The following ZNF724 variants were observed in gnomAD, a reference collection of about 807,000 sequenced individuals.
ZNF724 encodes zinc finger protein 724 pseudogene.
ZNF724 carries 14 observed loss-of-function variants against 29.3 expected under a neutral mutation model. The ratio of observed to expected loss-of-function variants is 0.48; its 90% confidence interval spans 0.32 to 0.75. The LOEUF (loss-of-function observed/expected upper bound fraction) is 0.75, where lower values mean the gene tolerates loss of function less well. Ranked by LOEUF, ZNF724 falls within the 30% of genes least tolerant of loss-of-function variation. The pLI, the probability that ZNF724 is intolerant of heterozygous loss-of-function variation, is 0.04. For synonymous variants in ZNF724, 180 were observed against 193.6 expected (o/e 0.93, Z 0.58); for missense variants, 557 against 571.2 (o/e 0.98, Z 0.25).
chr19:23,229,307 G>A lies in ZNF724; in HGVS notation c.226+1959C>T, dbSNP rs118048026. On this transcript the variant is annotated intron_variant, in intron 3 of 3. Transcript: ENST00000418100. ...CAAACTCCTCCCAGTCACAGTCTGG[G>A]AGAGGTCCTGCCCTTCCAGAGGCCT... Among the ~76,000 whole-genome samples, 1,399 of 152,238 alleles carry A rather than the reference G, an allele frequency of 9.2e-3. 11 individuals carry two copies. Among genetic ancestry groups the A allele is most frequent in the Non-Finnish European group, 0.014 (940 of 68,004 alleles).
Position 23,223,976 on chromosome 19 carries a change from C to T in ZNF724, c.269G>A (p.Ser90Asn), listed in dbSNP as rs1213760697. The part of the protein sequence containing the change: ...YFAQDLRPEQ[S>N]IKASLQRIIL... ...TATTCTTTGCAAAGAAGCTTTTATGCTCTGCTCTGGCCGAAGGTCTTGGGC... is the reference window on the plus strand; with the variant it reads ...TATTCTTTGCAAAGAAGCTTTTATGTTCTGCTCTGGCCGAAGGTCTTGGGC... The change falls in exon 4 of 4, where the codon AGC (serine) becomes AAC (asparagine). Residue 90 changes from serine (S) to asparagine (N), a missense_variant. Coordinates refer to ENST00000418100, the MANE Select transcript of ZNF724 (RefSeq NM_001355404.2). 1.4e-6 allele frequency: 1 copy of T among 717,872 alleles called. No individual in the cohort carries two copies. The highest frequency in any genetic ancestry group is 2.5e-6 in the Non-Finnish European group (1 of 393,160). The allele number at this position is 717,872 out of a possible 1,614,324, so 44.5% of individuals were successfully genotyped here. A position where few individuals can be genotyped will look rare whatever the true frequency, so the allele number is the denominator to read the frequency against.
intron 1 of ZNF724, among the ~76,000 whole-genome samples, chr19:23,232,682 GC>G (rs1337126805): frequency 5.8e-5 from 3 of 51,590 alleles, no homozygotes; most frequent in Admixed American, 2.4e-4. Flanking sequence ...ATCTTGTTAT[GC>G]TTTTTTTTTT....
intron 1 of ZNF724, among the ~76,000 whole-genome samples, chr19:23,242,413 T>C: frequency 6.6e-6 from 1 of 151,606 alleles, no homozygotes; most frequent in South Asian, 2.1e-4. Flanking sequence ...ACCCAATTTC[T>C]ACAAAAAAAA....
At chr19:23,235,788 AGT>A (rs1007894216) in intron 1 of ZNF724, among the ~76,000 whole-genome samples, 12 of 152,212 alleles carry the variant, frequency 7.9e-5, no homozygotes, top group Admixed American at 3.3e-4. Context: ...AATTCTAGAC[AGT>A]GTTTGGAAAA....
chr19:23,240,119 C>T (rs1263795720), intron 1 of ZNF724, among the ~76,000 whole-genome samples: 2 of 151,932 alleles, frequency 1.3e-5, no homozygotes, highest in Non-Finnish European at 2.9e-5. Context: ...TGAGACCAAC[C>T]AGCCTGGTCA....
At chr19:23,229,009 G>A (rs751751686) in intron 3 of ZNF724, among the ~76,000 whole-genome samples, 2 of 151,960 alleles carry the variant, frequency 1.3e-5, no homozygotes, top group Non-Finnish European at 1.5e-5. Flanking sequence ...GTTACAGTGA[G>A]TTGAGATGGT....
At position 23,250,385 on chromosome 19, in the gene ZNF724, A is replaced by G. The variant is rs567543804; in HGVS notation, c.-143T>C. The stretch of plus-strand genomic sequence containing the variant: ...GACCAAGCGCTCCAGCTGCAGCGAG[A>G]GACAAAGGCCCCGCCAAATCCCGGA... On this transcript the variant is annotated 5_prime_UTR_variant, in exon 1 of 4. Transcript: ENST00000418100. The G allele has an allele frequency of 1.6e-3, 740 of 454,256 alleles. 1 individual carries two copies. The highest frequency in any genetic ancestry group is 2.7e-3 in the Non-Finnish European group (600 of 225,944). 28.1% of individuals were successfully genotyped at this position (454,256 alleles called of 1,614,324 possible).
At chr19:23,233,875 A>G (rs955002670) in intron 1 of ZNF724, among the ~76,000 whole-genome samples, 1 of 151,974 alleles carries the variant, frequency 6.6e-6, no homozygotes. Context: ...TTCTGGACAA[A>G]TTACACCTGC....
intron 3 of ZNF724, among the ~76,000 whole-genome samples, chr19:23,228,383 G>C (rs1971875833): frequency 6.6e-6 from 1 of 151,984 alleles, no homozygotes; most frequent in African/African-American, 2.4e-5. Flanking sequence ...CCAGCCGGGA[G>C]GCAGAGGTTG....
In ZNF724 at chr19:23,234,261, T is replaced by C. The variant is rs527945001; in HGVS notation, c.4-1968A>G. Among the ~76,000 whole-genome samples the C allele has an allele frequency of 7.9e-5, 12 of 152,270 alleles. No homozygotes were observed. The South Asian group carries it at 2.3e-3, about 29-fold the overall frequency. ...AGGCACTTAATTAAAACAACATAAA[T>C]GTGTCCACACAAAACAATAAACAGA... On this transcript the variant is annotated intron_variant, in intron 1 of 3. Transcript: ENST00000418100.
chr19:23,237,356 G>A (rs1972037802), intron 1 of ZNF724, among the ~76,000 whole-genome samples: 2 of 151,666 alleles, frequency 1.3e-5, no homozygotes, highest in African/African-American at 2.4e-5. Context: ...ATATCTATTG[G>A]GTAAATTAAT....
intron 1 of ZNF724, among the ~76,000 whole-genome samples, chr19:23,239,408 C>A (rs1972080482): frequency 6.6e-6 from 1 of 152,108 alleles, no homozygotes; most frequent in South Asian, 2.1e-4. Flanking sequence ...TAATTCAATA[C>A]AAAGAAAACC....
intron 1 of ZNF724, among the ~76,000 whole-genome samples, chr19:23,232,816 T>TG (rs1256616036): frequency 2.7e-5 from 3 of 110,826 alleles, no homozygotes; most frequent in Non-Finnish European, 4.2e-5. Flanking sequence ...AATAACCTGT[T>TG]TTTCCCCCCA....
chr19:23,223,290 A>C lies in ZNF724; in HGVS notation c.955T>G (p.Phe319Val), dbSNP rs1327814369. 1 of 789,348 alleles carries C rather than the reference A, an allele frequency of 1.3e-6. No individual in the cohort carries two copies. Among genetic ancestry groups the C allele is most frequent in the Non-Finnish European group, 2.3e-6 (1 of 434,844 alleles). The allele number at this position is 789,348 out of a possible 1,614,324, so 48.9% of individuals were successfully genotyped here. The change falls in exon 4 of 4, where the codon TTT becomes GTT. Residue 319 changes from phenylalanine (F) to valine (V), a missense_variant. Physicochemically the swap from Phe to Val is conservative, Grantham distance 50. Coordinates refer to ENST00000418100, the MANE Select transcript of ZNF724 (RefSeq NM_001355404.2). The part of the protein sequence containing the change: ...PYICEHCGRA[F>V]NQSSNLTKHK... ...TTAGTAAGGTTCGAGGATTGGTTAA[A>C]AGCTCTGCCACAATGTTCACATATG... is the stretch of plus-strand genomic sequence containing the variant.
intron 1 of ZNF724, among the ~76,000 whole-genome samples, chr19:23,247,390 T>C (rs1242909063): frequency 6.6e-6 from 1 of 152,192 alleles, no homozygotes; most frequent in Non-Finnish European, 1.5e-5. Flanking sequence ...ACTAATAAAA[T>C]ACAATTTACA....
chr19:23,244,586 G>C (rs191687955), intron 1 of ZNF724, among the ~76,000 whole-genome samples: 1 of 152,272 alleles, frequency 6.6e-6, no homozygotes, highest in Non-Finnish European at 1.5e-5. Flanking sequence ...TTTTATTCCA[G>C]GCTAGACCTT....
chr19:23,223,028 G>A lies in ZNF724; in HGVS notation c.1217C>T (p.Ser406Phe). 1 of 1,324,286 alleles carries A rather than the reference G, an allele frequency of 7.6e-7. No homozygotes were observed. Among genetic ancestry groups the A allele is most frequent in the East Asian group, 2.3e-5 (1 of 43,496 alleles). The allele number at this position is 1,324,286 out of a possible 1,614,324, so 82.0% of individuals were successfully genotyped here. A position where few individuals can be genotyped will look rare whatever the true frequency, so the allele number is the denominator to read the frequency against. ...CEECGKAFNT[S>F]SHLTTHKRIH... ...TCTTTTATGTGTGGTGAGGTGTGAG[G>A]ATGTGTTAAAGGCTTTGCCACATTC... Residue 406 changes from serine to phenylalanine, a missense_variant, in exon 4 of 4, where the codon TCC (serine) becomes TTC (phenylalanine). Ser to Phe is a radical substitution (Grantham distance 155, BLOSUM62 -2). Around this residue, in one of 3 missense-constraint regions of ZNF724, gnomAD observed 362 missense variants for 295.5 expected, o/e 1.22. Transcript: ENST00000418100.
At chr19:23,225,975 C>T (rs562547166) in intron 3 of ZNF724, among the ~76,000 whole-genome samples, 52 of 152,066 alleles carry the variant, frequency 3.4e-4, no homozygotes, top group African/African-American at 1.2e-3. Flanking sequence ...CTTCAATTCC[C>T]CAAGCTGCTA....
At chr19:23,225,866 T>G (rs1055189624) in intron 3 of ZNF724, among the ~76,000 whole-genome samples, 1 of 152,038 alleles carries the variant, frequency 6.6e-6, no homozygotes, top group Admixed American at 6.6e-5. Context: ...AGAAGTGTTT[T>G]GCATAACCAG....
Sources: allele counts gnomAD v4.1 joint callset (sites outside exome capture counted in the v4.1 genomes callset), GRCh38; gene constraint gnomAD v4.1.1; regional missense constraint gnomAD v4.1.1; transcripts MANE v1.5; gene names NCBI Gene and HGNC (gene_info 2026-07-23, HGNC 2026-07-21).